The following IL26 variants were observed in gnomAD, a reference collection of about 807,000 sequenced individuals.
IL26 encodes interleukin 26.
In IL26, 23 loss-of-function variants were observed where a neutral mutation model predicts 21.7. That is an observed-to-expected ratio of 1.06 (90% CI 0.76 to 1.50). The LOEUF (loss-of-function observed/expected upper bound fraction) is 1.50, where lower values mean the gene tolerates loss of function less well. IL26 is among the 40% of genes most tolerant of loss of function. The probability of loss-of-function intolerance (pLI) is 0.00; values close to 1 mark genes in which losing one functional copy is unlikely to be tolerated. For synonymous variants in IL26, 63 were observed against 67.8 expected (o/e 0.93, Z 0.34); for missense variants, 204 against 196.0 (o/e 1.04, Z -0.24).
Position 68,209,483 on chromosome 12 carries a change from G to C in IL26, c.364-7400C>G, listed in dbSNP as rs143248419. Among the ~76,000 whole-genome samples the C allele has an allele frequency of 4.1e-4, 63 of 152,306 alleles. No individual in the cohort carries two copies. In the East Asian group the frequency reaches 9.6e-3, roughly 23 times the overall value. On this transcript the variant is annotated intron_variant, in intron 3 of 4. Transcript: ENST00000229134. ...ACAATCGATCCTGGGAGAGCAAGGA[G>C]CCGACAAGTCTAGACACATTCCAGA...
intron 3 of IL26, among the ~76,000 whole-genome samples, chr12:68,224,904 A>AT (rs1203379023): frequency 6.6e-6 from 1 of 152,248 alleles, no homozygotes; most frequent in Non-Finnish European, 1.5e-5. Flanking sequence ...AAACCATGTC[A>AT]TGTTACTTTA....
At chr12:68,211,077 C>T (rs1565737518) in intron 3 of IL26, among the ~76,000 whole-genome samples, 1 of 152,174 alleles carries the variant, frequency 6.6e-6, no homozygotes, top group Non-Finnish European at 1.5e-5. Context: ...AACCTCTCTT[C>T]ATCTTGCCAC....
rs758178476 is a variant in IL26 at position 68,225,700 on chromosome 12, GGCAAGAGACAGAGTGACTAACA to G, written c.35_56del (p.Leu12ProfsTer43). On this transcript the variant is annotated frameshift_variant, in exon 1 of 5. Coordinates refer to ENST00000229134, the MANE Select transcript of IL26 (RefSeq NM_018402.2). LOFTEE classifies it high-confidence loss of function. ...AGGAAGATTGCTTGTGCTTGGCAATGGCAAGAGACAGAGTGACTAACAGCAACCCACACCTCAAAATGAAATT... is the reference window on the plus strand; with the variant it reads ...AGGAAGATTGCTTGTGCTTGGCAATGGCAACCCACACCTCAAAATGAAATT... 5 of 1,614,012 alleles carry G rather than the reference GGCAAGAGACAGAGTGACTAACA, an allele frequency of 3.1e-6. No individual in the cohort carries two copies. Among genetic ancestry groups the G allele is most frequent in the Non-Finnish European group, 4.2e-6 (5 of 1,179,920 alleles).
chr12:68,202,298 A>G (rs1379773638), intron 3 of IL26, among the ~76,000 whole-genome samples: 1 of 152,254 alleles, frequency 6.6e-6, no homozygotes, highest in African/African-American at 2.4e-5. Context: ...TTTACAAATT[A>G]CAATTAAAGC....
intron 3 of IL26, among the ~76,000 whole-genome samples, chr12:68,204,889 C>T (rs1230352074): frequency 1.3e-5 from 2 of 152,134 alleles, no homozygotes; most frequent in African/African-American, 4.8e-5. Context: ...ATTCAGATTG[C>T]TTTGCTTGGA....
chr12:68,208,251 G>A (rs1868598625), intron 3 of IL26, among the ~76,000 whole-genome samples: 1 of 152,194 alleles, frequency 6.6e-6, no homozygotes. Context: ...TGTCTTGAAA[G>A]ATGAGTGGAA....
At chr12:68,214,792 C>G (rs1868827707) in intron 3 of IL26, among the ~76,000 whole-genome samples, 1 of 151,074 alleles carries the variant, frequency 6.6e-6, no homozygotes, top group South Asian at 2.1e-4. Context: ...TTCAGCCACT[C>G]TGTCATTTAA....
intron 3 of IL26, among the ~76,000 whole-genome samples, chr12:68,219,107 A>C (rs941464082): frequency 3.9e-5 from 6 of 152,006 alleles, no homozygotes; most frequent in African/African-American, 1.2e-4. Flanking sequence ...AATGTCAGAG[A>C]TACCAATAAT....
chr12:68,225,444 C>T lies in IL26; in HGVS notation c.228G>A (p.Met76Ile), dbSNP rs752168271. Residue 76 changes from methionine (M) to isoleucine (I), a missense_variant and splice_region_variant, in exon 2 of 5, where the codon ATG (methionine) becomes ATA (isoleucine). Transcript: ENST00000229134. ...AAAAGAAGAAGACTTTCTGACTTAC[C>T]ATAAACTGCTTTTTTGTTTTCTTTT... ...LLKKKTKKQF[M>I]KNCQFQEQLL... 3.2e-6 allele frequency: 5 copies of T among 1,574,440 alleles called. No homozygotes were observed. In the African/African-American group the frequency reaches 4.1e-5, roughly 13 times the overall value.
At chr12:68,220,678 C>A (rs1259484716) in intron 3 of IL26, among the ~76,000 whole-genome samples, 3 of 152,232 alleles carry the variant, frequency 2.0e-5, no homozygotes, top group African/African-American at 7.2e-5. Context: ...TATCTGTCAT[C>A]CAGGTTGGAG....
At position 68,201,929 on chromosome 12, in the gene IL26, A is replaced by G. The variant is rs1457571173; in HGVS notation, c.432T>C (p.Ile144=). ...TGGCTTTGTAGATTCCTTTGTTTCCAATCTGCAGATAAAGTACAGATATAA... is the reference window on the plus strand; with the variant it reads ...TGGCTTTGTAGATTCCTTTGTTTCCGATCTGCAGATAAAGTACAGATATAA... ...ITRMKRIFYR[I]GNKGIYKAIS... is the part of the protein sequence containing the mutation. The change falls in exon 5 of 5, where the codon ATT becomes ATC. Residue 144 remains isoleucine (I), a splice_region_variant and synonymous_variant. Coordinates refer to ENST00000229134, the MANE Select transcript of IL26 (RefSeq NM_018402.2). The G allele has an allele frequency of 6.3e-7, 1 of 1,596,158 alleles. No homozygotes were observed. Among genetic ancestry groups the G allele is most frequent in the East Asian group, 2.2e-5 (1 of 44,606 alleles).
chr12:68,202,443 C>T (rs1020654779), intron 3 of IL26, among the ~76,000 whole-genome samples: 3 of 152,026 alleles, frequency 2.0e-5, no homozygotes, highest in Non-Finnish European at 2.9e-5. Context: ...AATAACTACC[C>T]GAGACTGGGT....
intron 3 of IL26, among the ~76,000 whole-genome samples, chr12:68,204,194 A>G (rs1592894021): frequency 7.8e-6 from 1 of 127,524 alleles, no homozygotes; most frequent in Admixed American, 9.8e-5. Context: ...CCCAGGCTGG[A>G]GTGCAGTGGC....
Position 68,202,052 on chromosome 12 carries a change from T to A in IL26, c.395A>T (p.Lys132Ile), listed in dbSNP as rs777950508. The A allele has an allele frequency of 1.9e-6, 3 of 1,586,378 alleles. No homozygotes were observed. The highest frequency in any genetic ancestry group is 2.3e-5 in the South Asian group (2 of 86,976). The change falls in exon 4 of 5, where the codon AAA becomes ATA. Residue 132 changes from lysine (K) to isoleucine (I), a missense_variant. Physicochemically the swap from Lys to Ile is moderately radical, Grantham distance 102. Coordinates refer to ENST00000229134, the MANE Select transcript of IL26 (RefSeq NM_018402.2). ...TATTCTTTTCATCCTGGTAATGGAT[T>A]TCATCTCTCTAGCTGATGAAGCACA... ...ISCASSAREM[K>I]SITRMKRIFY... is the part of the protein sequence containing the mutation.
intron 2 of IL26, 56 bp downstream of exon 2, chr12:68,225,388 G>C (rs1216633707): frequency 2.0e-6 from 3 of 1,514,454 alleles, no homozygotes; most frequent in Non-Finnish European, 2.7e-6. Flanking sequence ...AAATGCAGGG[G>C]GAAATAAACA....
intron 3 of IL26, among the ~76,000 whole-genome samples, chr12:68,202,993 A>T (rs2120415709): frequency 6.6e-6 from 1 of 152,310 alleles, no homozygotes; most frequent in Middle Eastern, 3.4e-3. Flanking sequence ...AGGACATGAG[A>T]ATGACAAGAA....
At position 68,211,915 on chromosome 12, in the gene IL26, T is replaced by G. The variant is rs116559707; in HGVS notation, c.364-9832A>C. Among the ~76,000 whole-genome samples the G allele has an allele frequency of 5.3e-3, 799 of 151,736 alleles. 7 individuals are homozygous for G. Among genetic ancestry groups the G allele is most frequent in the African/African-American group, 0.018 (750 of 41,434 alleles). ...ATTTGTCTATTTTTTTCTTTGGTTG[T>G]CTGTACTTTCGAGGACTTACTCAAA... On this transcript the variant is annotated intron_variant, in intron 3 of 4. Coordinates refer to ENST00000229134, the MANE Select transcript of IL26 (RefSeq NM_018402.2).
intron 3 of IL26, among the ~76,000 whole-genome samples, chr12:68,203,956 T>C (rs1025658761): frequency 2.0e-5 from 3 of 152,138 alleles, no homozygotes; most frequent in Admixed American, 6.5e-5. Flanking sequence ...TCTAGGTGTA[T>C]TTCATGTTAC....
chr12:68,206,069 A>C lies in IL26; in HGVS notation c.364-3986T>G, dbSNP rs11571049. 4.6e-3 allele frequency among the ~76,000 whole-genome samples: 695 copies of C among 152,268 alleles called. 5 individuals are homozygous for C. The highest frequency in any genetic ancestry group is 0.04 in the South Asian group (191 of 4,820). On this transcript the variant is annotated intron_variant, in intron 3 of 4. Transcript: ENST00000229134. ...CCCACCATCTTTTTGCCATAGACACAATCTATTTTGTGATTTCTTTGATTA... is the reference window on the plus strand; with the variant it reads ...CCCACCATCTTTTTGCCATAGACACCATCTATTTTGTGATTTCTTTGATTA...
Sources: allele counts gnomAD v4.1 joint callset (sites outside exome capture counted in the v4.1 genomes callset), GRCh38; gene constraint gnomAD v4.1.1; transcripts MANE v1.5; gene names NCBI Gene and HGNC (gene_info 2026-07-23, HGNC 2026-07-21).